Variants in SMC6 observed in about 807,000 individuals in gnomAD.
SMC6 encodes structural maintenance of chromosomes 6, also known as structural maintenance of chromosomes protein 6.
SMC6 carries 79 observed loss-of-function variants against 142.2 expected under a neutral mutation model. The ratio of observed to expected loss-of-function variants is 0.56; its 90% confidence interval spans 0.46 to 0.67. The LOEUF is 0.67. SMC6 is among the 30% of genes least tolerant of loss of function. SMC6 has a pLI of 0.00. For synonymous variants in SMC6, 411 were observed against 412.4 expected (o/e 1.00, Z 0.04); for missense variants, 1,072 against 1,284.0 (o/e 0.83, Z 2.52).
chr2:17,705,952 T>C (rs1277381151), intron 18 of SMC6, among the ~76,000 whole-genome samples: 2 of 152,180 alleles, frequency 1.3e-5, no homozygotes, highest in Admixed American at 1.3e-4. Flanking sequence ...CCCCACACTA[T>C]GCTTTATTTG....
intron 20 of SMC6, among the ~76,000 whole-genome samples, chr2:17,700,698 T>C (rs1012647451): frequency 6.6e-6 from 1 of 152,252 alleles, no homozygotes; most frequent in East Asian, 1.9e-4. Context: ...TGTTAGATGC[T>C]AAGTAAACAA....
intron 24 of SMC6, 161 bp from the exon 25 acceptor site, chr2:17,679,125 T>TTGTG (rs756540612): frequency 1.9e-6 from 1 of 520,692 alleles, no homozygotes; most frequent in Non-Finnish European, 3.4e-6. Context: ...ATTTTTTGCC[T>TTGTG]TGTGTCTTTA....
intron 11 of SMC6, among the ~76,000 whole-genome samples, chr2:17,718,456 G>A (rs967320732): frequency 1.3e-5 from 2 of 152,074 alleles, no homozygotes; most frequent in African/African-American, 2.4e-5. Context: ...GATAACAAAT[G>A]TCCTCAGATA....
At position 17,664,343 on chromosome 2, in the gene SMC6, T is replaced by C. The variant is rs949395910; in HGVS notation, c.*1156A>G. 1 of 152,158 alleles carries C rather than the reference T, an allele frequency of 6.6e-6. No individual in the cohort carries two copies. The highest frequency in any genetic ancestry group is 1.5e-5 in the Non-Finnish European group (1 of 68,020). The allele number at this position is 152,158 out of a possible 1,614,324, so 9.4% of individuals were successfully genotyped here. On this transcript the variant is annotated 3_prime_UTR_variant, in exon 28 of 28. Coordinates refer to ENST00000448223, the MANE Select transcript of SMC6 (RefSeq NM_001142286.2). ...GACTAAAGTATCTTAAACTTCTTCC[T>C]CCACCAAAAACACAAACAAAGTCCA...
chr2:17,696,553 A>T, intron 21 of SMC6, 127 bp from the exon 22 acceptor site: 1 of 899,870 alleles, frequency 1.1e-6, no homozygotes, highest in East Asian at 2.7e-5. Context: ...TATTATATCC[A>T]TATGTGTCTG....
At chr2:17,667,589 C>T (rs964568647) in intron 26 of SMC6, among the ~76,000 whole-genome samples, 4 of 152,174 alleles carry the variant, frequency 2.6e-5, no homozygotes, top group East Asian at 1.9e-4. Context: ...GCAGCTCATG[C>T]CTTTAATCCC....
rs1572300952 is a variant in SMC6, at chr2:17,707,897, C to A, written c.1846-518G>T. The stretch of plus-strand genomic sequence containing the variant: ...CTAATCAACCTCTCTGGGGACAGAC[C>A]TTTACAACAACGCTTCATTATTTTT... On this transcript the variant is annotated intron_variant, in intron 17 of 27. Coordinates refer to ENST00000448223, the MANE Select transcript of SMC6 (RefSeq NM_001142286.2). Among the ~76,000 whole-genome samples, 4 of 151,232 alleles carry A rather than the reference C, an allele frequency of 2.6e-5. 1 individual carries two copies. The South Asian group carries it at 8.4e-4, about 32-fold the overall frequency.
chr2:17,702,799 G>GT (rs1668333878), intron 19 of SMC6, among the ~76,000 whole-genome samples: 1 of 151,934 alleles, frequency 6.6e-6, no homozygotes, highest in Non-Finnish European at 1.5e-5. Context: ...CTGCCGCCAC[G>GT]TAAGATGTGC....
intron 26 of SMC6, among the ~76,000 whole-genome samples, chr2:17,666,951 T>A (rs965248057): frequency 7.9e-5 from 12 of 152,190 alleles, no homozygotes; most frequent in African/African-American, 2.4e-4. Context: ...CATTGTACTC[T>A]AGCCTGAATG....
intron 3 of SMC6, 127 bp downstream of exon 3, chr2:17,745,700 A>G (rs1340059054): frequency 1.0e-6 from 1 of 969,748 alleles, no homozygotes; most frequent in Non-Finnish European, 1.4e-6. Flanking sequence ...TACCCAGAAC[A>G]GATTTTACCT....
At chr2:17,667,754 T>C (rs1666567029) in intron 26 of SMC6, among the ~76,000 whole-genome samples, 1 of 152,000 alleles carries the variant, frequency 6.6e-6, no homozygotes, top group Admixed American at 6.5e-5. Context: ...GGTGGCTGAG[T>C]CACAAGGATC....
intron 7 of SMC6, among the ~76,000 whole-genome samples, chr2:17,729,139 C>T (rs901846499): frequency 1.3e-5 from 2 of 152,038 alleles, no homozygotes; most frequent in African/African-American, 2.4e-5. Flanking sequence ...TCAAATATAA[C>T]CAAAATATTA....
chr2:17,744,528 GAC>G (rs1240969976), intron 3 of SMC6, among the ~76,000 whole-genome samples: 1 of 152,088 alleles, frequency 6.6e-6, no homozygotes, highest in Non-Finnish European at 1.5e-5. Context: ...TGCAAACAGA[GAC>G]AGTTTTTGTG....
At chr2:17,689,976 C>T (rs1366014563) in intron 23 of SMC6, among the ~76,000 whole-genome samples, 2 of 152,076 alleles carry the variant, frequency 1.3e-5, no homozygotes, top group Non-Finnish European at 2.9e-5. Context: ...GCTGTATTTA[C>T]AATAATGGAT....
chr2:17,729,119 A>G (rs1669780693), intron 7 of SMC6, among the ~76,000 whole-genome samples: 1 of 152,082 alleles, frequency 6.6e-6, no homozygotes, highest in Non-Finnish European at 1.5e-5. Flanking sequence ...ATTTAATAAC[A>G]TATTTTTAAT....
chr2:17,685,508 T>A (rs962301068), intron 23 of SMC6, among the ~76,000 whole-genome samples: 2 of 152,016 alleles, frequency 1.3e-5, no homozygotes, highest in Admixed American at 6.5e-5. Flanking sequence ...TACACACCAT[T>A]CTCAAGCAAA....
chr2:17,696,499 C>T, intron 21 of SMC6, 73 bp from the exon 22 acceptor site: 4 of 1,478,716 alleles, frequency 2.7e-6, no homozygotes, highest in Non-Finnish European at 2.8e-6. Flanking sequence ...TAATAAACAA[C>T]TCGGTAAAGT....
rs377539566 is a variant in SMC6 at position 17,715,024 on chromosome 2, T to C, written c.1567A>G (p.Ile523Val). 1.8e-5 allele frequency: 29 copies of C among 1,613,748 alleles called. No homozygotes were observed. The African/African-American group carries it at 2.7e-4, about 15-fold the overall frequency. The change falls in exon 16 of 28, where the codon ATT (isoleucine) becomes GTT (valine). Residue 523 changes from isoleucine (I) to valine (V), a missense_variant. Transcript: ENST00000448223. ...AGAAGCCCTTTTAAGCAAGATTCAA[T>C]AGCCAAAGCAAGTTCTGGGTCCCGA... The part of the protein sequence containing the change: ...HLRDPELALA[I>V]ESCLKGLLQA...
At chr2:17,730,941 T>C (rs1378471501) in intron 7 of SMC6, 137 bp downstream of exon 7, 11 of 688,210 alleles carry the variant, frequency 1.6e-5, no homozygotes, top group African/African-American at 1.5e-4. Context: ...ACAACTTCAT[T>C]GATAATAGTT....
Sources: gnomAD v4.1 joint callset for allele counts (sites outside exome capture counted in the v4.1 genomes callset) on GRCh38, gnomAD v4.1.1 for gene constraint, MANE v1.5 for transcripts, NCBI Gene and HGNC (gene_info 2026-07-23, HGNC 2026-07-21) for gene names.